The following TERT variants were observed in gnomAD, a reference collection of about 807,000 sequenced individuals.
TERT encodes the protein telomerase catalytic subunit.
Under a neutral mutation model 104.0 loss-of-function variants are expected in TERT, and 42 were observed. That is an observed-to-expected ratio of 0.40 (90% CI 0.32 to 0.52). TERT has a LOEUF of 0.52. TERT is among the 20% of genes least tolerant of loss of function. The pLI is 0.43. For missense variants in TERT, 1,101 were observed against 1,610.3 expected (o/e 0.68, Z 5.41); for synonymous variants, 781 against 725.6 (o/e 1.08, Z -1.23).
At chr5:1,293,212 C>T in intron 2 of TERT, 101 bp downstream of exon 2, 1 of 1,470,674 alleles carries the variant, frequency 6.8e-7, no homozygotes, top group South Asian at 1.2e-5. Context: ...GCCCACGTGA[C>T]GATGGAGACA....
intron 10 of TERT, 34 bp from the exon 11 acceptor site, chr5:1,264,626 C>A (rs746837295): frequency 1.9e-6 from 3 of 1,611,264 alleles, no homozygotes; most frequent in East Asian, 2.2e-5. Flanking sequence ...CCCCAGGATG[C>A]GGGGCCGTCA....
chr5:1,268,062 G>A lies in TERT; in HGVS notation c.2582+458C>T, dbSNP rs1281492679. ...GTTGGCACGATATTTAGGTGTGTGCGTCCTTGGGTGTAGACCCCATGCAAG... is the reference window on the plus strand; with the variant it reads ...GTTGGCACGATATTTAGGTGTGTGCATCCTTGGGTGTAGACCCCATGCAAG... On this transcript the variant is annotated intron_variant, in intron 9 of 15. Transcript: ENST00000310581. The surrounding 1 kb of genome is among the most constrained non-coding windows in gnomAD (Gnocchi z 5.5). 3.9e-5 allele frequency among the ~76,000 whole-genome samples: 6 copies of A among 152,326 alleles called. No individual in the cohort carries two copies. Among genetic ancestry groups the A allele is most frequent in the South Asian group, 2.1e-4 (1 of 4,822 alleles).
At position 1,269,336 on chromosome 5, in the gene TERT, G is replaced by T. The variant is rs369189874; in HGVS notation, c.2469-703C>A. ...TTAAAAAGAGGCTTTCCGGCTGGGC[G>T]TGATGGCTCACACCTGTAATCCCAG... is the stretch of plus-strand genomic sequence containing the variant. On this transcript the variant is annotated intron_variant, in intron 8 of 15. Transcript: ENST00000310581. The surrounding 1 kb of genome is among the most constrained non-coding windows in gnomAD (Gnocchi z 9.0). 2.0e-5 allele frequency among the ~76,000 whole-genome samples: 3 copies of T among 152,202 alleles called. No individual in the cohort carries two copies. The South Asian group carries it at 6.2e-4, about 31-fold the overall frequency.
In TERT at chr5:1,255,497, TGTGC is replaced by T; in HGVS notation, c.3033-90_3033-87del. 6.4e-7 allele frequency: 1 copy of T among 1,562,608 alleles called. No individual in the cohort carries two copies. ...GTGGGCATGGGCCCACCGGTGCCTG[TGTGC>T]GTGCATGAATGCACATGCATGGGTT... On this transcript the variant is annotated intron_variant, in intron 13 of 15. Transcript: ENST00000310581. The surrounding 1 kb of genome is among the most constrained non-coding windows in gnomAD (Gnocchi z 6.9).
At position 1,278,714 on chromosome 5, in the gene TERT, G is replaced by T; in HGVS notation, c.2213C>A (p.Thr738Lys). The change falls in exon 6 of 16, where the codon ACG (threonine) becomes AAG (lysine). Residue 738 changes from threonine to lysine, a missense_variant. Physicochemically the swap from Thr to Lys is moderately conservative, Grantham distance 78. Transcript: ENST00000310581. ...CACGGCATACCGACGCACGCAGTAC[G>T]TGTTCTGGGGTTTGATGATGCTGGC... is the stretch of plus-strand genomic sequence containing the variant. ...VIASIIKPQN[T>K]YCVRRYAVVQ... is the part of the protein sequence containing the mutation. 1 of 1,614,184 alleles carries T rather than the reference G, an allele frequency of 6.2e-7. No individual in the cohort carries two copies. The highest frequency in any genetic ancestry group is 8.5e-7 in the Non-Finnish European group (1 of 1,180,052).
intron 12 of TERT, among the ~76,000 whole-genome samples, chr5:1,259,500 G>A (rs1475678049): frequency 2.6e-5 from 3 of 115,092 alleles, no homozygotes; most frequent in East Asian, 2.8e-4. Context: ...CCACAGGAGG[G>A]GGGAGTGGAC....
Position 1,269,741 on chromosome 5 carries a change from C to T in TERT, c.2469-1108G>A, listed in dbSNP as rs762858367. Among the ~76,000 whole-genome samples the T allele has an allele frequency of 2.0e-5, 3 of 152,140 alleles. No homozygotes were observed. Among genetic ancestry groups the T allele is most frequent in the Admixed American group, 1.3e-4 (2 of 15,282 alleles). On this transcript the variant is annotated intron_variant, in intron 8 of 15. Transcript: ENST00000310581. This position sits in a 1 kb window ranked among gnomAD's most constrained non-coding sequence, Gnocchi z 9.0. Reference sequence around the variant, plus strand: ...AACTCTAGGAGTCCGGCCAGCCCAGCGAGTCAACGCAAGCAGATACGCCCC... The same window carrying T: ...AACTCTAGGAGTCCGGCCAGCCCAGTGAGTCAACGCAAGCAGATACGCCCC...
At chr5:1,259,557 G>A (rs1227571915) in intron 12 of TERT, among the ~76,000 whole-genome samples, 1 of 134,010 alleles carries the variant, frequency 7.5e-6, no homozygotes. Flanking sequence ...GCCCACAGGA[G>A]AGGGAGTGGA....
Position 1,257,404 on chromosome 5 carries a change from C to T in TERT, c.3032+1194G>A, listed in dbSNP as rs568101650. Among the ~76,000 whole-genome samples the T allele has an allele frequency of 1.5e-4, 23 of 152,304 alleles. No homozygotes were observed. In the South Asian group the frequency reaches 4.6e-3, roughly 30 times the overall value. On this transcript the variant is annotated intron_variant, in intron 13 of 15. Transcript: ENST00000310581. The surrounding 1 kb of genome is among the most constrained non-coding windows in gnomAD (Gnocchi z 5.6). Reference sequence around the variant, plus strand: ...GGGTCAACCACAGTGTCAGACACCTCCAGTCCTCAGTGGCACCTGTATCCA... The same window carrying T: ...GGGTCAACCACAGTGTCAGACACCTTCAGTCCTCAGTGGCACCTGTATCCA...
In TERT at chr5:1,287,158, C is replaced by A. The variant is rs1750545028; in HGVS notation, c.1574-4534G>T. On this transcript the variant is annotated intron_variant, in intron 2 of 15. Transcript: ENST00000310581. This position sits in a 1 kb window ranked among gnomAD's most constrained non-coding sequence, Gnocchi z 4.3. ...CGACTGTCAGACTGGATTGGAAATT[C>A]ACCTACATGCTGTTAACAGGACATA... Among the ~76,000 whole-genome samples the A allele has an allele frequency of 6.6e-6, 1 of 152,036 alleles. No individual in the cohort carries two copies. The highest frequency in any genetic ancestry group is 2.1e-4 in the South Asian group (1 of 4,812).
chr5:1,280,562 T>G (rs1484024084), intron 3 of TERT, among the ~76,000 whole-genome samples: 1 of 152,126 alleles, frequency 6.6e-6, no homozygotes, highest in African/African-American at 2.4e-5. Flanking sequence ...TAGTCAACCC[T>G]GGGGACGCCC....
Position 1,253,647 on chromosome 5 carries a change from CCCCT to C in TERT, c.*77_*80del, listed in dbSNP as rs1422719511. 7.9e-7 allele frequency: 1 copy of C among 1,271,078 alleles called. No individual in the cohort carries two copies. The highest frequency in any genetic ancestry group is 1.1e-6 in the Non-Finnish European group (1 of 893,172). 78.7% of individuals were successfully genotyped at this position (1,271,078 alleles called of 1,614,324 possible). ...GCGGTGCGGGCCTGGGTGTGGGCCG[CCCCT>C]CCCTCCCTGGGACGTAGAGCCCGGC... On this transcript the variant is annotated 3_prime_UTR_variant, in exon 16 of 16. Transcript: ENST00000310581.
chr5:1,278,630 G>A lies in TERT; in HGVS notation c.2286+11C>T, dbSNP rs765739078. On this transcript the variant is annotated intron_variant, in intron 6 of 15. Coordinates refer to ENST00000310581, the MANE Select transcript of TERT (RefSeq NM_198253.3). The stretch of plus-strand genomic sequence containing the variant: ...CACATCCTGGACACGACTATCACAC[G>A]TGAACCTTACGTGGCTCTTGAAGGC... 4.8e-5 allele frequency: 77 copies of A among 1,613,768 alleles called. No individual in the cohort carries two copies. The highest frequency in any genetic ancestry group is 3.6e-4 in the East Asian group (16 of 44,906).
chr5:1,261,739 G>A lies in TERT; in HGVS notation c.2844-1139C>T, dbSNP rs1415218469. Among the ~76,000 whole-genome samples, 3 of 152,154 alleles carry A rather than the reference G, an allele frequency of 2.0e-5. No individual in the cohort carries two copies. The highest frequency in any genetic ancestry group is 1.9e-4 in the East Asian group (1 of 5,192). Reference sequence around the variant, plus strand: ...CTTCTTTCACAGCCATCCCCAACACGACCTTGGGCTCCGGCTCACCCTGAG... The same window carrying A: ...CTTCTTTCACAGCCATCCCCAACACAACCTTGGGCTCCGGCTCACCCTGAG... On this transcript the variant is annotated intron_variant, in intron 11 of 15. Transcript: ENST00000310581. This position sits in a 1 kb window ranked among gnomAD's most constrained non-coding sequence, Gnocchi z 7.4.
In TERT at chr5:1,288,487, C is replaced by T. The variant is rs1750627480; in HGVS notation, c.1573+4826G>A. On this transcript the variant is annotated intron_variant, in intron 2 of 15. Coordinates refer to ENST00000310581, the MANE Select transcript of TERT (RefSeq NM_198253.3). The surrounding 1 kb of genome is among the most constrained non-coding windows in gnomAD (Gnocchi z 5.3). ...TCAGAGCAGGAGACAGACAGAGACA[C>T]TCCAACCTGTGGCTGGACGTCAATC... is the stretch of plus-strand genomic sequence containing the variant. 6.6e-6 allele frequency among the ~76,000 whole-genome samples: 1 copy of T among 152,186 alleles called. No homozygotes were observed. Among genetic ancestry groups the T allele is most frequent in the Non-Finnish European group, 1.5e-5 (1 of 68,040 alleles).
chr5:1,266,646 T>C, intron 9 of TERT, 111 bp from the exon 10 acceptor site: 1 of 945,580 alleles, frequency 1.1e-6, no homozygotes, highest in Non-Finnish European at 1.7e-6. Flanking sequence ...AAAGTAACAT[T>C]CTCCAAAGCG....
intron 7 of TERT, among the ~76,000 whole-genome samples, chr5:1,271,857 C>T (rs1367214505): frequency 1.3e-5 from 2 of 152,152 alleles, no homozygotes; most frequent in African/African-American, 4.8e-5. Context: ...GGCCTGCCCT[C>T]CTAAAGGAGG....
chr5:1,294,135 C>A lies in TERT; in HGVS notation c.751G>T (p.Val251Phe), dbSNP rs776569822. The change falls in exon 2 of 16, where the codon GTT (valine) becomes TTT (phenylalanine). Residue 251 changes from valine to phenylalanine, a missense_variant. Coordinates refer to ENST00000310581, the MANE Select transcript of TERT (RefSeq NM_198253.3). ...GAAPEPERTPVGQGSWAHPGR... is the reference protein window; with the variant it reads ...GAAPEPERTPFGQGSWAHPGR... ...GGGTGGGCCCAGGACCCCTGCCCAA[C>A]GGGCGTCCGCTCCGGCTCAGGGGCA... 1.3e-6 allele frequency: 2 copies of A among 1,581,428 alleles called. No individual in the cohort carries two copies. The highest frequency in any genetic ancestry group is 1.8e-5 in the Admixed American group (1 of 57,130).
At chr5:1,260,152 G>A (rs1251477927) in intron 12 of TERT, among the ~76,000 whole-genome samples, 1 of 152,178 alleles carries the variant, frequency 6.6e-6, no homozygotes, top group Non-Finnish European at 1.5e-5. Flanking sequence ...CATGTTATGT[G>A]CACACATGCT....
Sources: gnomAD v4.1 joint callset for allele counts (sites outside exome capture counted in the v4.1 genomes callset) on GRCh38, gnomAD v4.1.1 for gene constraint, Gnocchi (gnomAD v3.1) non-coding constraint, MANE v1.5 for transcripts, NCBI Gene and HGNC (gene_info 2026-07-23, HGNC 2026-07-21) for gene names.